The following FMO5 variants were observed in gnomAD, a reference collection of about 807,000 sequenced individuals.
FMO5 encodes the protein flavin-containing monooxygenase 5.
Under a neutral mutation model 43.6 loss-of-function variants are expected in FMO5, and 51 were observed. That is an observed-to-expected ratio of 1.17 (90% CI 0.93 to 1.48). The LOEUF is 1.48. Ranked by LOEUF, FMO5 falls within the 40% of genes most tolerant of loss-of-function variation. The pLI, the probability that FMO5 is intolerant of heterozygous loss-of-function variation, is 0.00. For missense variants in FMO5, 644 were observed against 643.0 expected (o/e 1.00, Z -0.02); for synonymous variants, 187 against 216.5 (o/e 0.86, Z 1.20).
At position 147,201,374 on chromosome 1, in the gene FMO5, C is replaced by T. The variant is rs1553920923; in HGVS notation, c.961G>A (p.Asp321Asn). The T allele has an allele frequency of 3.7e-6, 6 of 1,614,192 alleles. No individual in the cohort carries two copies. Among genetic ancestry groups the T allele is most frequent in the East Asian group, 2.2e-5 (1 of 44,872 alleles). The change falls in exon 7 of 9, where the codon GAT (aspartate) becomes AAT (asparagine). Residue 321 changes from aspartate (D) to asparagine (N), a missense_variant. By Grantham distance (23) the Asp-to-Asn change is conservative (BLOSUM62 1). Coordinates refer to ENST00000254090, the MANE Select transcript of FMO5 (RefSeq NM_001461.4). ...AAIFEDGSRE[D>N]DIDAVIFATG... ...GCAAAGATAACAGCATCAATGTCAT[C>T]CTCCCTGGAGCCATCCTCAAATATG... is the stretch of plus-strand genomic sequence containing the variant.
intron 1 of FMO5, 55 bp downstream of exon 1, chr1:147,225,232 C>A: frequency 7.2e-7 from 1 of 1,385,016 alleles, no homozygotes; most frequent in Non-Finnish European, 9.4e-7. Context: ...ATGGGGGAGC[C>A]CTGCGCCTGC....
chr1:147,211,466 T>A (rs782599650), intron 5 of FMO5: 8 of 152,328 alleles, frequency 5.3e-5, no homozygotes, highest in Middle Eastern at 3.4e-3. Context: ...TAGATGAGGA[T>A]AGCAATGAGA....
upstream of FMO5, chr1:147,225,979 T>C (rs1663949866): frequency 6.6e-6 from 1 of 152,240 alleles, no homozygotes; most frequent in Non-Finnish European, 1.5e-5. Context: ...ACAATGCTTT[T>C]TTCATACAGT....
chr1:147,207,477 T>C (rs1215691186), intron 6 of FMO5, among the ~76,000 whole-genome samples: 1 of 152,204 alleles, frequency 6.6e-6, no homozygotes, highest in Non-Finnish European at 1.5e-5. Flanking sequence ...CCCCATCCTT[T>C]GTACTTTCAT....
chr1:147,203,843 T>C, intron 6 of FMO5: 1 of 1,577,416 alleles, frequency 6.3e-7, no homozygotes, highest in East Asian at 2.2e-5. Flanking sequence ...CTTTTCATGC[T>C]TAAAAACCAC....
rs1202064339 is a variant in FMO5 at position 147,201,339 on chromosome 1, A to G, written c.996T>C (p.Tyr332=). 4.3e-6 allele frequency: 7 copies of G among 1,614,090 alleles called. No homozygotes were observed. The highest frequency in any genetic ancestry group is 2.2e-5 in the East Asian group (1 of 44,880). The change falls in exon 7 of 9, where the codon TAT becomes TAC. Residue 332 remains tyrosine, a synonymous_variant. Transcript: ENST00000254090. ...DIDAVIFATG[Y]SFDFPFLEDS... is the part of the protein sequence containing the mutation. ...CTTCCAGAAATGGAAAGTCAAAGCT[A>G]TAGCCTGTGGCAAAGATAACAGCAT...
chr1:147,209,055 G>A lies in FMO5; in HGVS notation c.631-4C>T, dbSNP rs1366003882. 1 of 1,611,258 alleles carries A rather than the reference G, an allele frequency of 6.2e-7. No individual in the cohort carries two copies. Among genetic ancestry groups the A allele is most frequent in the Non-Finnish European group, 8.5e-7 (1 of 1,178,400 alleles). The stretch of plus-strand genomic sequence containing the variant: ...CTCTCCTGGTGCTGAGGAAAACCTG[G>A]GGCATGGAAGAAATTGTTTGCTTTT... On this transcript the variant is annotated splice_region_variant and splice_polypyrimidine_tract_variant and intron_variant, in intron 5 of 8. Transcript: ENST00000254090.
chr1:147,193,177 C>T (rs868975681), intron 7 of FMO5, among the ~76,000 whole-genome samples: 1 of 152,156 alleles, frequency 6.6e-6, no homozygotes, highest in African/African-American at 2.4e-5. Context: ...ATTATTGCCA[C>T]AATTTCAGAG....
chr1:147,188,487 C>A (rs1021710634), intron 8 of FMO5, among the ~76,000 whole-genome samples: 5 of 135,500 alleles, frequency 3.7e-5, no homozygotes, highest in Admixed American at 8.2e-5. Context: ...CACACCACTT[C>A]ACTCCAGCCT....
downstream of FMO5, among the ~76,000 whole-genome samples, chr1:147,185,329 C>T (rs1371683806): frequency 1.3e-5 from 2 of 151,320 alleles, no homozygotes; most frequent in Non-Finnish European, 2.9e-5. Flanking sequence ...AATTTACATG[C>T]TAAAAGAGAA....
rs145826275 is a variant in FMO5, at chr1:147,186,892, T to C, written c.*8A>G. 5.0e-6 allele frequency: 8 copies of C among 1,606,016 alleles called. No individual in the cohort carries two copies. In the African/African-American group the frequency reaches 5.3e-5, roughly 11 times the overall value. The stretch of plus-strand genomic sequence containing the variant: ...CCAATGAAAAACAGGGCAGTGACAA[T>C]AGGACAACTAGAAGTAAGCTATAAT... On this transcript the variant is annotated 3_prime_UTR_variant, in exon 9 of 9. Coordinates refer to ENST00000254090, the MANE Select transcript of FMO5 (RefSeq NM_001461.4).
chr1:147,199,187 T>G (rs1658554102), intron 7 of FMO5, among the ~76,000 whole-genome samples: 1 of 151,730 alleles, frequency 6.6e-6, no homozygotes, highest in African/African-American at 2.4e-5. Flanking sequence ...TGGGGCTTGG[T>G]AGGGAACAGA....
At position 147,215,817 on chromosome 1, in the gene FMO5, C is replaced by T. The variant is rs1553924884; in HGVS notation, c.261G>A (p.Gln87=). Residue 87 remains glutamine, a synonymous_variant, in exon 3 of 9, where the codon CAG becomes CAA. Coordinates refer to ENST00000254090, the MANE Select transcript of FMO5 (RefSeq NM_001461.4). ...DHYPNFMHNA[Q]VLEYFRMYAK... ...CATACATCCTGAAATACTCCAGGAC[C>T]TGGGCATTATGCATGAAGTTGGGAT... 3 of 1,613,638 alleles carry T rather than the reference C, an allele frequency of 1.9e-6. No homozygotes were observed. The Admixed American group carries it at 5.0e-5, about 27-fold the overall frequency.
chr1:147,219,710 C>T (rs1030491428), intron 2 of FMO5, among the ~76,000 whole-genome samples: 1 of 150,618 alleles, frequency 6.6e-6, no homozygotes, highest in Non-Finnish European at 1.5e-5. Flanking sequence ...TGCAGATGAC[C>T]TGACCGTCTA....
At position 147,186,768 on chromosome 1, in the gene FMO5, A is replaced by G. The variant is rs1339567018; in HGVS notation, c.*132T>C. On this transcript the variant is annotated 3_prime_UTR_variant, in exon 9 of 9. Transcript: ENST00000254090. Reference sequence around the variant, plus strand: ...TTTCATTGTAGGAAAAAGGAAAGTGAATTAATGCTTTCGAAAGAGACATTA... The same window carrying G: ...TTTCATTGTAGGAAAAAGGAAAGTGGATTAATGCTTTCGAAAGAGACATTA... 16 of 1,462,548 alleles carry G rather than the reference A, an allele frequency of 1.1e-5. No individual in the cohort carries two copies. Among genetic ancestry groups the G allele is most frequent in the Non-Finnish European group, 1.4e-5 (16 of 1,113,880 alleles). The allele number at this position is 1,462,548 out of a possible 1,614,324, so 90.6% of individuals were successfully genotyped here. A position where few individuals can be genotyped will look rare whatever the true frequency, so the allele number is the denominator to read the frequency against.
At chr1:147,194,090 T>C (rs1381787448) in intron 7 of FMO5, among the ~76,000 whole-genome samples, 1 of 152,192 alleles carries the variant, frequency 6.6e-6, no homozygotes, top group Non-Finnish European at 1.5e-5. Context: ...TTGATCTGTC[T>C]AATGTTGACA....
intron 6 of FMO5, 34 bp from the exon 7 acceptor site, chr1:147,201,538 G>T (rs782429218): frequency 6.5e-7 from 1 of 1,537,986 alleles, no homozygotes; most frequent in Admixed American, 1.8e-5. Flanking sequence ...GTGGAGAAAT[G>T]AGAGAAAGAG....
chr1:147,216,591 C>T (rs587704546), intron 2 of FMO5, among the ~76,000 whole-genome samples: 2 of 152,226 alleles, frequency 1.3e-5, no homozygotes, highest in African/African-American at 4.8e-5. Context: ...TATTCAGCAT[C>T]GCTTAGGAAG....
intron 6 of FMO5, chr1:147,204,139 C>G (rs1487682593): frequency 9.3e-7 from 1 of 1,069,622 alleles, no homozygotes; most frequent in Non-Finnish European, 1.5e-6. Flanking sequence ...TTAAATTCAT[C>G]AATTCTTCAT....
Sources: allele counts gnomAD v4.1 joint callset (sites outside exome capture counted in the v4.1 genomes callset), GRCh38; gene constraint gnomAD v4.1.1; transcripts MANE v1.5; gene names NCBI Gene and HGNC (gene_info 2026-07-23, HGNC 2026-07-21).